GPHN: variants seen among roughly 807,000 people sequenced by gnomAD.
GPHN encodes gephyrin.
In GPHN, 17 loss-of-function variants were observed where a neutral mutation model predicts 95.5. The ratio of observed to expected loss-of-function variants is 0.18; its 90% CI spans 0.12 to 0.27. The LOEUF is 0.27. Ranked by LOEUF, GPHN falls within the 10% of genes least tolerant of loss-of-function variation. GPHN has a pLI of 1.00. For missense variants in GPHN, 660 were observed against 978.1 expected, an observed-to-expected ratio of 0.67 and a Z score of 4.34; for synonymous variants, 320 against 322.5, an observed-to-expected ratio of 0.99 and a Z score of 0.08.
At chr14:67,077,347 G>A (rs1036099385) in intron 11 of GPHN, among the ~76,000 whole-genome samples, 4 of 152,100 alleles carry the variant, frequency 2.6e-5, no homozygotes, top group Admixed American at 6.6e-5. Context: ...CACATGTAAG[G>A]TTAGGCAAGG....
intron 3 of GPHN, among the ~76,000 whole-genome samples, chr14:66,788,153 A>G (rs1241860896): frequency 6.6e-6 from 1 of 152,172 alleles, no homozygotes; most frequent in Non-Finnish European, 1.5e-5. Context: ...TACTAAAAAT[A>G]CAAAAACTAC....
At chr14:66,835,149 T>A (rs1175174909) in intron 4 of GPHN, among the ~76,000 whole-genome samples, 2 of 151,214 alleles carry the variant, frequency 1.3e-5, no homozygotes, top group African/African-American at 4.9e-5. Context: ...TCTCTCTTTT[T>A]TTCTTTATTA....
At chr14:66,664,587 TCAAA>T (rs1469744602) in intron 1 of GPHN, among the ~76,000 whole-genome samples, 3 of 151,188 alleles carry the variant, frequency 2.0e-5, no homozygotes, top group Non-Finnish European at 4.4e-5. Context: ...AAAATCAAAA[TCAAA>T]CAAATCCCAA....
chr14:67,691,432 T>C, the GPHN span: 2 of 535,596 alleles, frequency 3.7e-6, no homozygotes, highest in East Asian at 6.2e-5. Flanking sequence ...ACTTTTACTA[T>C]GGGGCAGAAT....
the GPHN span, among the ~76,000 whole-genome samples, chr14:67,407,808 G>C: frequency 6.6e-6 from 1 of 152,060 alleles, no homozygotes; most frequent in Admixed American, 6.6e-5. Context: ...CTATAACCCT[G>C]AGAAAAGCAG....
chr14:67,434,810 TA>T, the GPHN span, among the ~76,000 whole-genome samples: 1 of 152,266 alleles, frequency 6.6e-6, no homozygotes, highest in African/African-American at 2.4e-5. Context: ...TTTGTACTGT[TA>T]TTGAGTTGAG....
At chr14:67,641,233 A>G in the GPHN span, among the ~76,000 whole-genome samples, 2 of 152,248 alleles carry the variant, frequency 1.3e-5, no homozygotes, top group South Asian at 4.1e-4. Flanking sequence ...TAAAGTGTGT[A>G]TGAAACACAA....
chr14:67,571,502 A>C, the GPHN span: 1 of 413,676 alleles, frequency 2.4e-6, no homozygotes, highest in East Asian at 3.6e-5. Flanking sequence ...GTGGGCAGGC[A>C]TTCAGTCGTG....
At chr14:67,183,388 T>C (rs1595525095), downstream of GPHN, among the ~76,000 whole-genome samples, 1 of 152,120 alleles carries the variant, frequency 6.6e-6, no homozygotes, top group South Asian at 2.1e-4. Context: ...CTAAACACTT[T>C]ACATATGTTC....
At chr14:66,901,069 G>T (rs1267567457) in intron 5 of GPHN, among the ~76,000 whole-genome samples, 1 of 151,910 alleles carries the variant, frequency 6.6e-6, no homozygotes, top group African/African-American at 2.4e-5. Context: ...CTGTCTTTTT[G>T]ATAAAAAGCC....
intron 2 of GPHN, among the ~76,000 whole-genome samples, chr14:66,700,008 A>C (rs888549532): frequency 6.6e-6 from 1 of 152,220 alleles, no homozygotes; most frequent in Non-Finnish European, 1.5e-5. Flanking sequence ...GAGACTATAA[A>C]AGGAGAGAGA....
the GPHN span, among the ~76,000 whole-genome samples, chr14:67,614,494 G>C: frequency 6.6e-6 from 1 of 152,096 alleles, no homozygotes. Context: ...TCTGGGTATG[G>C]TGGCTCATGC....
At chr14:67,550,540 G>A in the GPHN span, among the ~76,000 whole-genome samples, 40 of 152,340 alleles carry the variant, frequency 2.6e-4, no homozygotes, top group East Asian at 5.8e-4. Flanking sequence ...GGCTAAAACT[G>A]GGGGTTGCAA....
intron 1 of GPHN, among the ~76,000 whole-genome samples, chr14:66,602,423 C>G (rs2062298311): frequency 6.6e-6 from 1 of 151,814 alleles, no homozygotes; most frequent in African/African-American, 2.4e-5. Context: ...ATAACTTTCT[C>G]AAGAATATAT....
intron 1 of GPHN, among the ~76,000 whole-genome samples, chr14:66,601,076 T>C (rs565826006): frequency 6.6e-6 from 1 of 152,150 alleles, no homozygotes; most frequent in Admixed American, 6.5e-5. Flanking sequence ...TACTATACAA[T>C]AAAGAGGTTA....
chr14:67,001,363 TATG>T (rs138048662), intron 9 of GPHN, among the ~76,000 whole-genome samples: 7,120 of 151,638 alleles, frequency 0.047, 196 homozygotes, highest in Middle Eastern at 0.068. Context: ...CACATTATAA[TATG>T]ATATGTTATA....
chr14:66,837,610 AATAAAAATAAATAAAT>A (rs1567000849), intron 4 of GPHN, among the ~76,000 whole-genome samples: 3 of 130,132 alleles, frequency 2.3e-5, no homozygotes, highest in South Asian at 2.4e-4. Context: ...TAAATAAATA[AATAAAAATAAATAAAT>A]AAATAAATAA....
At chr14:67,556,898 C>T in the GPHN span, among the ~76,000 whole-genome samples, 1 of 152,076 alleles carries the variant, frequency 6.6e-6, no homozygotes, top group African/African-American at 2.4e-5. Flanking sequence ...ATATCTCTAC[C>T]ACGGTGGGGT....
chr14:66,739,688 A>G (rs766797551), intron 2 of GPHN, among the ~76,000 whole-genome samples: 4 of 152,156 alleles, frequency 2.6e-5, no homozygotes, highest in African/African-American at 9.6e-5. Context: ...AAGAAATACC[A>G]TACATTATTT....
Sources: gnomAD v4.1 joint callset for allele counts (sites outside exome capture counted in the v4.1 genomes callset) on GRCh38, gnomAD v4.1.1 for gene constraint, MANE v1.5 for transcripts, NCBI Gene and HGNC (gene_info 2026-07-23, HGNC 2026-07-21) for gene names.